ATXN1: variants seen among roughly 807,000 people sequenced by gnomAD.
ATXN1 encodes the protein ataxin 1.
Under a neutral mutation model 56.4 loss-of-function variants are expected in ATXN1, and 8 were observed. The observed-to-expected ratio is 0.14, with a 90% CI of 0.08 to 0.26. The LOEUF (loss-of-function observed/expected upper bound fraction) is 0.26. Ranked by LOEUF, ATXN1 falls within the 10% of genes least tolerant of loss-of-function variation. The pLI, the probability that ATXN1 is intolerant of heterozygous loss-of-function variation, is 1.00. For missense variants in ATXN1, 987 were observed against 1,106.5 expected, an observed-to-expected ratio of 0.89 and a Z score of 1.53; for synonymous variants, 514 against 494.6, an observed-to-expected ratio of 1.04 and a Z score of -0.52.
At chr6:16,710,114 G>A (rs951544579) in intron 2 of ATXN1, among the ~76,000 whole-genome samples, 5 of 152,158 alleles carry the variant, frequency 3.3e-5, no homozygotes, top group African/African-American at 1.2e-4. Flanking sequence ...TGATGAAATA[G>A]TGGTGAAATA....
At chr6:16,404,243 C>T (rs1758638453) in intron 6 of ATXN1, among the ~76,000 whole-genome samples, 1 of 152,188 alleles carries the variant, frequency 6.6e-6, no homozygotes, top group Non-Finnish European at 1.5e-5. Context: ...AAAGTATACT[C>T]TGAAAATATT....
intron 5 of ATXN1, among the ~76,000 whole-genome samples, chr6:16,499,609 T>A (rs769011998): frequency 7.2e-5 from 11 of 152,206 alleles, no homozygotes; most frequent in South Asian, 4.1e-4. Flanking sequence ...GAACAGCCCC[T>A]GTCTTCAGAT....
intron 4 of ATXN1, among the ~76,000 whole-genome samples, chr6:16,572,353 T>C (rs1415381673): frequency 6.6e-6 from 1 of 152,098 alleles, no homozygotes; most frequent in Non-Finnish European, 1.5e-5. Context: ...GGGACGGAGA[T>C]CTTCGAAGAC....
At chr6:16,536,143 G>A (rs1224613392) in intron 4 of ATXN1, among the ~76,000 whole-genome samples, 7 of 152,204 alleles carry the variant, frequency 4.6e-5, no homozygotes, top group African/African-American at 1.4e-4. Flanking sequence ...CTTAAGCCCC[G>A]AAGGTCCAGT....
At chr6:16,631,554 C>T (rs544920343) in intron 3 of ATXN1, among the ~76,000 whole-genome samples, 97 of 152,238 alleles carry the variant, frequency 6.4e-4, no homozygotes, top group African/African-American at 1.6e-3. Flanking sequence ...CCCATCAGTC[C>T]CAACTCTGCC....
At chr6:16,636,574 C>A (rs965639909) in intron 3 of ATXN1, among the ~76,000 whole-genome samples, 4 of 152,196 alleles carry the variant, frequency 2.6e-5, no homozygotes, top group Non-Finnish European at 5.9e-5. Flanking sequence ...CTGTCATTCG[C>A]CCTGAATAGT....
chr6:16,527,999 T>A (rs1231868240), intron 4 of ATXN1, among the ~76,000 whole-genome samples: 1 of 152,146 alleles, frequency 6.6e-6, no homozygotes, highest in Admixed American at 6.6e-5. Flanking sequence ...ATGGCTTTTT[T>A]ACACCATCAA....
chr6:16,509,138 T>C (rs898120702), intron 5 of ATXN1, among the ~76,000 whole-genome samples: 1 of 152,042 alleles, frequency 6.6e-6, no homozygotes, highest in Non-Finnish European at 1.5e-5. Flanking sequence ...GTCTAATGGG[T>C]ACAGAGTTTT....
chr6:16,308,336 A>T (rs1054233450), intron 7 of ATXN1, among the ~76,000 whole-genome samples: 21 of 140,032 alleles, frequency 1.5e-4, no homozygotes, highest in African/African-American at 5.5e-4. Context: ...ACACACACAC[A>T]CACACACACA....
At chr6:16,736,081 G>A (rs1365580498) in intron 2 of ATXN1, among the ~76,000 whole-genome samples, 2 of 152,162 alleles carry the variant, frequency 1.3e-5, no homozygotes, top group African/African-American at 4.8e-5. Context: ...AACTGTTATT[G>A]ATTATAGCTG....
Position 16,377,910 on chromosome 6 carries a change from G to C in ATXN1, c.-160-49440C>G, listed in dbSNP as rs540499042. On this transcript the variant is annotated intron_variant, in intron 6 of 7. Coordinates refer to ENST00000436367, the MANE Select transcript of ATXN1 (RefSeq NM_001128164.2). ...CACCAGGTCTTTCAGGGTTAGAACA[G>C]AGCATCATCACACATAACAGCACGT... Among the ~76,000 whole-genome samples, 47 of 152,366 alleles carry C rather than the reference G, an allele frequency of 3.1e-4. No homozygotes were observed. The South Asian group carries it at 9.5e-3, about 31-fold the overall frequency.
At position 16,307,498 on chromosome 6, in the gene ATXN1, G is replaced by A. The variant is rs1000099780; in HGVS notation, c.1918-639C>T. Among the ~76,000 whole-genome samples, 5 of 150,978 alleles carry A rather than the reference G, an allele frequency of 3.3e-5. No individual in the cohort carries two copies. In the East Asian group the frequency reaches 6.0e-4, roughly 18 times the overall value. ...AGCCTGGCCAACATGGGGAAACCCC[G>A]TCTCCACTAAAAATAAAAAAAAAAA... is the stretch of plus-strand genomic sequence containing the variant. On this transcript the variant is annotated intron_variant, in intron 7 of 7. Coordinates refer to ENST00000436367, the MANE Select transcript of ATXN1 (RefSeq NM_001128164.2).
At chr6:16,592,499 CAGTT>C (rs1319447418) in intron 3 of ATXN1, among the ~76,000 whole-genome samples, 2 of 152,164 alleles carry the variant, frequency 1.3e-5, no homozygotes, top group Non-Finnish European at 1.5e-5. Context: ...CCCAGGCCCA[CAGTT>C]AGACGTATTA....
Position 16,734,564 on chromosome 6 carries a change from G to A in ATXN1, c.-615+18669C>T, listed in dbSNP as rs542507652. Among the ~76,000 whole-genome samples, 346 of 152,330 alleles carry A rather than the reference G, an allele frequency of 2.3e-3. 1 individual carries two copies. Among genetic ancestry groups the A allele is most frequent in the African/African-American group, 8.1e-3 (338 of 41,570 alleles). ...ACTCTGTCGCTCAGGCTGGAGTGTA[G>A]TGGTGCAATCTCAGCTCACTGCAGC... On this transcript the variant is annotated intron_variant, in intron 2 of 7. Coordinates refer to ENST00000436367, the MANE Select transcript of ATXN1 (RefSeq NM_001128164.2).
At chr6:16,509,703 G>C (rs1226001044) in intron 5 of ATXN1, among the ~76,000 whole-genome samples, 3 of 152,150 alleles carry the variant, frequency 2.0e-5, no homozygotes, top group Non-Finnish European at 4.4e-5. Flanking sequence ...CATGCCAGAT[G>C]AATCTTTCTA....
At chr6:16,554,675 A>G (rs1761979736) in intron 4 of ATXN1, among the ~76,000 whole-genome samples, 1 of 152,138 alleles carries the variant, frequency 6.6e-6, no homozygotes, top group African/African-American at 2.4e-5. Context: ...GCTAGTCTCG[A>G]ACTCCTGACC....
At chr6:16,571,381 T>C (rs992744767) in intron 4 of ATXN1, among the ~76,000 whole-genome samples, 2 of 152,222 alleles carry the variant, frequency 1.3e-5, no homozygotes, top group East Asian at 1.9e-4. Flanking sequence ...TGTGAACATA[T>C]GTGCTTCCAC....
intron 2 of ATXN1, among the ~76,000 whole-genome samples, chr6:16,717,602 A>C (rs926059441): frequency 1.3e-5 from 2 of 152,176 alleles, no homozygotes; most frequent in Non-Finnish European, 2.9e-5. Context: ...CAGAGAGAGA[A>C]TGTGCTCATC....
At chr6:16,509,555 C>T (rs1761040767) in intron 5 of ATXN1, among the ~76,000 whole-genome samples, 1 of 152,184 alleles carries the variant, frequency 6.6e-6, no homozygotes, top group Non-Finnish European at 1.5e-5. Context: ...CCCTGGACAC[C>T]TTCTGATCCT....
Sources: allele counts gnomAD v4.1 joint callset (sites outside exome capture counted in the v4.1 genomes callset), GRCh38; gene constraint gnomAD v4.1.1; transcripts MANE v1.5; gene names NCBI Gene and HGNC (gene_info 2026-07-23, HGNC 2026-07-21).